The following NYAP2 variants were observed in gnomAD, a reference collection of about 807,000 sequenced individuals.
NYAP2 encodes neuronal tyrosine-phosphorylated phosphoinositide-3-kinase adapter 2.
A neutral mutation model predicts 50.4 loss-of-function variants in NYAP2; 23 were observed. That is an observed-to-expected ratio of 0.46 (90% confidence interval 0.33 to 0.65). The LOEUF (loss-of-function observed/expected upper bound fraction) is 0.65. Among genes scored for constraint, NYAP2 ranks in the 30% least tolerant of loss-of-function variants. The pLI, the probability that NYAP2 is intolerant of heterozygous loss-of-function variation, is 0.02. For synonymous variants in NYAP2, 394 were observed against 365.2 expected (o/e 1.08, Z -0.90); for missense variants, 885 against 861.0 (o/e 1.03, Z -0.35).
At chr2:225,591,113 A>G (rs1199158096) in intron 5 of NYAP2, among the ~76,000 whole-genome samples, 1 of 152,192 alleles carries the variant, frequency 6.6e-6, no homozygotes, top group Non-Finnish European at 1.5e-5. Context: ...TAGCCAGAGC[A>G]TGGCGGGCCC....
intron 3 of NYAP2, among the ~76,000 whole-genome samples, chr2:225,453,973 G>A (rs1689695215): frequency 6.6e-6 from 1 of 151,758 alleles, no homozygotes; most frequent in South Asian, 2.1e-4. Context: ...CACCGCGCCT[G>A]GCCATCTATT....
intron 3 of NYAP2, among the ~76,000 whole-genome samples, chr2:225,505,226 G>C (rs1411460851): frequency 6.6e-6 from 1 of 151,958 alleles, no homozygotes; most frequent in Non-Finnish European, 1.5e-5. Context: ...TAAAGAGCCA[G>C]ACACAGGAAA....
chr2:225,544,703 A>G (rs565227989), intron 4 of NYAP2, among the ~76,000 whole-genome samples: 1 of 152,264 alleles, frequency 6.6e-6, no homozygotes, highest in East Asian at 1.9e-4. Context: ...TACTTAAGAT[A>G]TGAGTAGTTT....
intron 5 of NYAP2, among the ~76,000 whole-genome samples, chr2:225,589,459 C>A (rs1692451158): frequency 6.8e-6 from 1 of 146,366 alleles, no homozygotes; most frequent in African/African-American, 2.5e-5. Flanking sequence ...TGCTTGAGGT[C>A]AGGATATCAT....
intron 3 of NYAP2, among the ~76,000 whole-genome samples, chr2:225,417,230 A>T (rs190298191): frequency 3.3e-5 from 5 of 152,308 alleles, no homozygotes; most frequent in African/African-American, 1.2e-4. Context: ...GTAACAAATG[A>T]AACTGCTAGA....
intron 3 of NYAP2, among the ~76,000 whole-genome samples, chr2:225,442,373 A>G (rs1481497317): frequency 6.6e-6 from 1 of 152,184 alleles, no homozygotes; most frequent in Non-Finnish European, 1.5e-5. Flanking sequence ...GCCACCAAAC[A>G]GTGAAGGCAA....
At chr2:225,429,785 T>C (rs959212814) in intron 3 of NYAP2, among the ~76,000 whole-genome samples, 1 of 152,212 alleles carries the variant, frequency 6.6e-6, no homozygotes, top group African/African-American at 2.4e-5. Context: ...ATTTTCTTTT[T>C]AGTATTAATT....
At position 225,582,783 on chromosome 2, in the gene NYAP2, C is replaced by G. The variant is rs767725801; in HGVS notation, c.1366C>G (p.Pro456Ala). Reference sequence around the variant, plus strand: ...TCCCCTGAGCCTCAAAAGGCCTCCCCCTTACGACGCTGTGCATTCGGGCAG... The same window carrying G: ...TCCCCTGAGCCTCAAAAGGCCTCCCGCTTACGACGCTGTGCATTCGGGCAG... The change falls in exon 5 of 7, where the codon CCT becomes GCT. Residue 456 changes from proline to alanine, a missense_variant. Physicochemically the swap from Pro to Ala is conservative, Grantham distance 27. Transcript: ENST00000636099. This position sits in a 1 kb window ranked among gnomAD's most constrained non-coding sequence, Gnocchi z 7.0. The G allele has an allele frequency of 6.2e-7, 1 of 1,613,952 alleles. No individual in the cohort carries two copies. Among genetic ancestry groups the G allele is most frequent in the African/African-American group, 1.3e-5 (1 of 75,046 alleles).
At chr2:225,544,465 TAA>T (rs1188394807) in intron 4 of NYAP2, among the ~76,000 whole-genome samples, 1 of 152,044 alleles carries the variant, frequency 6.6e-6, no homozygotes, top group Non-Finnish European at 1.5e-5. Context: ...ATGAGGTTTG[TAA>T]ATACTGTGTT....
chr2:225,700,257 A>C, the NYAP2 span: 1 of 151,564 alleles, frequency 6.6e-6, no homozygotes, highest in Non-Finnish European at 1.5e-5. Context: ...ATAAGGAAAA[A>C]GGTAAGTGGG....
At chr2:225,607,173 A>G (rs1046341848) in intron 5 of NYAP2, among the ~76,000 whole-genome samples, 1 of 152,036 alleles carries the variant, frequency 6.6e-6, no homozygotes, top group Admixed American at 6.6e-5. Context: ...TTTTTTCCCC[A>G]TAGAATTTAA....
At chr2:225,545,464 AT>A (rs1240522682) in intron 4 of NYAP2, among the ~76,000 whole-genome samples, 1 of 152,070 alleles carries the variant, frequency 6.6e-6, no homozygotes, top group Non-Finnish European at 1.5e-5. Flanking sequence ...CAATTCTGCT[AT>A]TAAGTGACTC....
At chr2:225,466,919 T>G (rs1689927971) in intron 3 of NYAP2, among the ~76,000 whole-genome samples, 1 of 152,134 alleles carries the variant, frequency 6.6e-6, no homozygotes, top group Non-Finnish European at 1.5e-5. Context: ...GAGTAAAAGT[T>G]TATTAAAATG....
At chr2:225,646,543 C>G (rs896467928) in intron 6 of NYAP2, among the ~76,000 whole-genome samples, 1 of 152,178 alleles carries the variant, frequency 6.6e-6, no homozygotes, top group African/African-American at 2.4e-5. Context: ...AAGAGCAGAA[C>G]TCGGTCTCAA....
At chr2:225,450,018 T>G (rs1292460289) in intron 3 of NYAP2, among the ~76,000 whole-genome samples, 1 of 152,202 alleles carries the variant, frequency 6.6e-6, no homozygotes, top group East Asian at 1.9e-4. Flanking sequence ...TTAGGTAGTA[T>G]GTCTCCTGAG....
chr2:225,598,689 C>T (rs1362645124), intron 5 of NYAP2, among the ~76,000 whole-genome samples: 2 of 152,206 alleles, frequency 1.3e-5, no homozygotes, highest in African/African-American at 2.4e-5. Flanking sequence ...GAAGGCAATG[C>T]ATGATAAGTG....
intron 4 of NYAP2, among the ~76,000 whole-genome samples, chr2:225,573,599 G>A (rs934390372): frequency 6.6e-6 from 1 of 152,100 alleles, no homozygotes; most frequent in African/African-American, 2.4e-5. Flanking sequence ...GCTTATATGG[G>A]TGGTTCCTCT....
In NYAP2 at chr2:225,412,255, C is replaced by CTTTTT. The variant is rs560637948; in HGVS notation, c.221+3176_221+3180dup. On this transcript the variant is annotated intron_variant, in intron 3 of 6. Transcript: ENST00000636099. ...TACAGGCGTGAGCCACTGCGCCCGG[C>CTTTTT]TTTTTTTTTTTTTTTTTTTTTTTTT... is the stretch of plus-strand genomic sequence containing the variant. Among the ~76,000 whole-genome samples the CTTTTT allele has an allele frequency of 4.2e-3, 247 of 59,136 alleles. 24 individuals are homozygous for CTTTTT. Among genetic ancestry groups the CTTTTT allele is most frequent in the Middle Eastern group, 0.015 (1 of 68 alleles). 38.8% of individuals were successfully genotyped at this position (59,136 alleles called of 152,430 possible). A position where few individuals can be genotyped will look rare whatever the true frequency, so the allele number is the denominator to read the frequency against.
intron 6 of NYAP2, among the ~76,000 whole-genome samples, chr2:225,629,080 T>G (rs1693265427): frequency 6.6e-6 from 1 of 152,178 alleles, no homozygotes; most frequent in African/African-American, 2.4e-5. Context: ...ATTATCTGCT[T>G]TCTGCAAGCT....
Sources: allele counts gnomAD v4.1 joint callset (sites outside exome capture counted in the v4.1 genomes callset), GRCh38; gene constraint gnomAD v4.1.1; non-coding constraint Gnocchi (gnomAD v3.1); transcripts MANE v1.5; gene names NCBI Gene and HGNC (gene_info 2026-07-23, HGNC 2026-07-21).